The following PSMD3 variants were observed in gnomAD, a reference collection of about 807,000 sequenced individuals.
PSMD3 encodes 26S proteasome non-ATPase regulatory subunit 3.
A neutral mutation model predicts 62.8 loss-of-function variants in PSMD3; 5 were observed. The ratio of observed to expected loss-of-function variants is 0.08; its 90% CI spans 0.04 to 0.17. The LOEUF is 0.17. PSMD3 is among the 10% of genes least tolerant of loss of function. The probability of loss-of-function intolerance (pLI) is 1.00; values close to 1 mark genes in which losing one functional copy is unlikely to be tolerated. For missense variants in PSMD3, 524 were observed against 713.6 expected, an observed-to-expected ratio of 0.73 and a Z score of 3.03; for synonymous variants, 265 against 283.9, an observed-to-expected ratio of 0.93 and a Z score of 0.67.
chr17:39,994,820 T>G, intron 6 of PSMD3, 134 bp from the exon 7 acceptor site: 1 of 731,722 alleles, frequency 1.4e-6, no homozygotes, highest in Non-Finnish European at 2.2e-6. Context: ...CAGGGCTTCC[T>G]CCTCTCTCTG....
chr17:39,984,264 G>T (rs760969352), intron 1 of PSMD3, 30 bp from the exon 2 acceptor site: 43 of 1,521,936 alleles, frequency 2.8e-5, no homozygotes, highest in Non-Finnish European at 3.5e-5. Context: ...GAGTGAAAGT[G>T]ACATCATTTT....
chr17:39,988,358 T>C (rs888014439), intron 3 of PSMD3, among the ~76,000 whole-genome samples: 19 of 152,232 alleles, frequency 1.2e-4, no homozygotes, highest in African/African-American at 4.6e-4. Context: ...CTGGCTTTTT[T>C]CACTTAGCAT....
chr17:39,984,855 G>A lies in PSMD3; in HGVS notation c.411+371G>A, dbSNP rs551262605. Among the ~76,000 whole-genome samples the A allele has an allele frequency of 7.2e-5, 11 of 152,232 alleles. No homozygotes were observed. The East Asian group carries it at 1.9e-3, about 27-fold the overall frequency. On this transcript the variant is annotated intron_variant, in intron 2 of 11. Coordinates refer to ENST00000264639, the MANE Select transcript of PSMD3 (RefSeq NM_002809.4). Reference sequence around the variant, plus strand: ...GGAGGTAGAGAACAGTGGTTAGGAGGAGCACAGCTGTCAGGGCCAGGCACA... The same window carrying A: ...GGAGGTAGAGAACAGTGGTTAGGAGAAGCACAGCTGTCAGGGCCAGGCACA...
rs1479823789 is a variant in PSMD3 at position 39,997,508 on chromosome 17, G to T, written c.1532G>T (p.Arg511Leu). The T allele has an allele frequency of 6.2e-7, 1 of 1,614,246 alleles. No individual in the cohort carries two copies. The stretch of plus-strand genomic sequence containing the variant: ...CTCACTTGCCTCTCTCCCCAGGAAC[G>T]GCGTGAGCGAGAACAGCAGGACTTG... ...YNKDLESAEERREREQQDLEF... is the reference protein window; with the variant it reads ...YNKDLESAEELREREQQDLEF... Residue 511 changes from arginine (R) to leucine (L), a missense_variant, in exon 12 of 12, where the codon CGG (arginine) becomes CTG (leucine). Around this residue, in one of 4 missense-constraint regions of PSMD3, gnomAD observed 20 missense variants for 55.1 expected, o/e 0.36. Coordinates refer to ENST00000264639, the MANE Select transcript of PSMD3 (RefSeq NM_002809.4).
Position 39,997,611 on chromosome 17 carries a change from TG to T in PSMD3, c.*34del. 1 of 1,308,416 alleles carries T rather than the reference TG, an allele frequency of 7.6e-7. No homozygotes were observed. The highest frequency in any genetic ancestry group is 1.1e-6 in the Non-Finnish European group (1 of 916,478). 81.1% of individuals were successfully genotyped at this position (1,308,416 alleles called of 1,614,324 possible). On this transcript the variant is annotated 3_prime_UTR_variant, in exon 12 of 12. Transcript: ENST00000264639. ...GGGGGCTGGGGAGGGGTAGGGGGAA[TG>T]GGGACAGGCTCTTTCCCCCTTGGGG...
intron 10 of PSMD3, 132 bp from the exon 11 acceptor site, chr17:39,997,198 G>A: frequency 2.5e-6 from 2 of 795,432 alleles, no homozygotes; most frequent in Non-Finnish European, 4.3e-6. Context: ...CCCCCCACTA[G>A]ACTAACTGGA....
At chr17:39,994,899 CT>C in intron 6 of PSMD3, 54 bp from the exon 7 acceptor site, 1 of 1,497,604 alleles carries the variant, frequency 6.7e-7, no homozygotes, top group Non-Finnish European at 9.3e-7. Context: ...ATTTCATTTT[CT>C]TCTTCCGCCC....
In PSMD3 at chr17:39,997,492, C is replaced by G. The variant is rs1253847730; in HGVS notation, c.1528-12C>G. 6.2e-7 allele frequency: 1 copy of G among 1,613,998 alleles called. No individual in the cohort carries two copies. Among genetic ancestry groups the G allele is most frequent in the African/African-American group, 1.3e-5 (1 of 74,930 alleles). ...GCTCTGAAGCTTTGGCCTCACTTGCCTCTCTCCCCAGGAACGGCGTGAGCG... is the reference window on the plus strand; with the variant it reads ...GCTCTGAAGCTTTGGCCTCACTTGCGTCTCTCCCCAGGAACGGCGTGAGCG... On this transcript the variant is annotated splice_polypyrimidine_tract_variant and intron_variant, in intron 11 of 11. Coordinates refer to ENST00000264639, the MANE Select transcript of PSMD3 (RefSeq NM_002809.4).
chr17:39,980,991 G>A lies in PSMD3; in HGVS notation c.21G>A (p.Ala7=), dbSNP rs1487305641. ...GTGCCATGAAGCAGGAGGGCTCGGCGCGGCGCCGCGGCGCGGACAAGGCGA... is the reference window on the plus strand; with the variant it reads ...GTGCCATGAAGCAGGAGGGCTCGGCACGGCGCCGCGGCGCGGACAAGGCGA... MKQEGS[A]RRRGADKAKP... Residue 7 remains alanine (A), a synonymous_variant, in exon 1 of 12, where the codon GCG becomes GCA. Transcript: ENST00000264639. 6.5e-7 allele frequency: 1 copy of A among 1,545,794 alleles called. No individual in the cohort carries two copies.
intron 6 of PSMD3, among the ~76,000 whole-genome samples, chr17:39,991,125 C>G (rs573374755): frequency 6.6e-6 from 1 of 152,226 alleles, no homozygotes; most frequent in East Asian, 1.9e-4. Flanking sequence ...CAGGCGCCTG[C>G]CACCACATCC....
chr17:39,984,928 C>T (rs1269004504), intron 2 of PSMD3, among the ~76,000 whole-genome samples: 1 of 150,596 alleles, frequency 6.6e-6, no homozygotes, highest in Non-Finnish European at 1.5e-5. Context: ...GAGGCGGGCA[C>T]AGTGGCTAAC....
chr17:39,992,539 G>A (rs1328173513), intron 6 of PSMD3, among the ~76,000 whole-genome samples: 2 of 152,176 alleles, frequency 1.3e-5, no homozygotes, highest in African/African-American at 2.4e-5. Flanking sequence ...GGCGGTGCTG[G>A]CTCATCCTGT....
chr17:39,987,718 G>C (rs996867318), intron 3 of PSMD3, among the ~76,000 whole-genome samples: 2 of 152,046 alleles, frequency 1.3e-5, no homozygotes, highest in Non-Finnish European at 2.9e-5. Context: ...CCTGGGCTCA[G>C]GTAGTCCTCC....
chr17:39,984,924 G>T (rs1289462347), intron 2 of PSMD3, among the ~76,000 whole-genome samples: 1 of 151,244 alleles, frequency 6.6e-6, no homozygotes, highest in Non-Finnish European at 1.5e-5. Flanking sequence ...GGCTGAGGCG[G>T]GCACAGTGGC....
At chr17:39,988,656 T>C in intron 3 of PSMD3, 27 bp from the exon 4 acceptor site, 1 of 1,612,762 alleles carries the variant, frequency 6.2e-7, no homozygotes, top group Non-Finnish European at 8.5e-7. Context: ...GAACTGCCAC[T>C]TGATTCTCTT....
intron 1 of PSMD3, among the ~76,000 whole-genome samples, chr17:39,983,999 A>G (rs557502424): frequency 1.3e-5 from 2 of 152,112 alleles, no homozygotes; most frequent in South Asian, 2.1e-4. Context: ...GGAGATCGAG[A>G]CCATCCTGGC....
intron 6 of PSMD3, among the ~76,000 whole-genome samples, chr17:39,992,790 C>T (rs959641819): frequency 1.4e-5 from 2 of 143,136 alleles, no homozygotes; most frequent in Non-Finnish European, 3.1e-5. Flanking sequence ...GTTCCTGTCT[C>T]CCCTGGCTCC....
At chr17:39,994,603 G>T in intron 6 of PSMD3, 1 of 311,606 alleles carries the variant, frequency 3.2e-6, no homozygotes, top group Non-Finnish European at 6.2e-6. Context: ...CTCCAGGCCT[G>T]TGAGCCCTGG....
At chr17:39,991,572 A>C (rs1980655799) in intron 6 of PSMD3, among the ~76,000 whole-genome samples, 1 of 152,162 alleles carries the variant, frequency 6.6e-6, no homozygotes, top group African/African-American at 2.4e-5. Flanking sequence ...AGTCTTCCCA[A>C]ATTCAAACCT....
Sources: allele counts gnomAD v4.1 joint callset (sites outside exome capture counted in the v4.1 genomes callset), GRCh38; gene constraint gnomAD v4.1.1; regional missense constraint gnomAD v4.1.1; transcripts MANE v1.5; gene names NCBI Gene and HGNC (gene_info 2026-07-23, HGNC 2026-07-21).